GNAQ: variants seen among roughly 807,000 people sequenced by gnomAD.
GNAQ encodes guanine nucleotide-binding protein G(q) subunit alpha.
Under a neutral mutation model 43.9 loss-of-function variants are expected in GNAQ, and 8 were observed. That is an observed-to-expected ratio of 0.18 (90% CI 0.11 to 0.33). The LOEUF is 0.33. Among genes scored for constraint, GNAQ ranks in the 10% least tolerant of loss-of-function variants. GNAQ has a pLI of 1.00. For missense variants in GNAQ, 158 were observed against 450.8 expected (o/e 0.35, Z 5.88); for synonymous variants, 155 against 170.7 (o/e 0.91, Z 0.71).
intron 2 of GNAQ, among the ~76,000 whole-genome samples, chr9:77,856,274 G>C (rs1054208038): frequency 3.3e-5 from 5 of 152,096 alleles, no homozygotes; most frequent in African/African-American, 1.2e-4. Flanking sequence ...GACTTAGCTG[G>C]TTCCTATGAA....
Position 78,031,370 on chromosome 9 carries a change from G to C in GNAQ, c.-135C>G, listed in dbSNP as rs1208130070. 10 of 564,798 alleles carry C rather than the reference G, an allele frequency of 1.8e-5. No individual in the cohort carries two copies. The highest frequency in any genetic ancestry group is 1.7e-4 in the South Asian group (2 of 11,592). 35.0% of individuals were successfully genotyped at this position (564,798 alleles called of 1,614,324 possible). A position where few individuals can be genotyped will look rare whatever the true frequency, so the allele number is the denominator to read the frequency against. Reference sequence around the variant, plus strand: ...CCGCCCGGGCGCGCGTCCGGGACGAGCTCCGGGAACCGCCGCGGGGGCGGC... The same window carrying C: ...CCGCCCGGGCGCGCGTCCGGGACGACCTCCGGGAACCGCCGCGGGGGCGGC... On this transcript the variant is annotated 5_prime_UTR_variant, in exon 1 of 7. Coordinates refer to ENST00000286548, the MANE Select transcript of GNAQ (RefSeq NM_002072.5).
intron 5 of GNAQ, among the ~76,000 whole-genome samples, chr9:77,772,937 G>A (rs1055345065): frequency 2.6e-5 from 4 of 152,172 alleles, no homozygotes; most frequent in East Asian, 1.9e-4. Context: ...ACAGAAACAC[G>A]CCAAAAAAAA....
At chr9:77,762,192 C>G (rs578154627) in intron 5 of GNAQ, among the ~76,000 whole-genome samples, 306 of 137,700 alleles carry the variant, frequency 2.2e-3, no homozygotes, top group African/African-American at 6.9e-3. Flanking sequence ...CCGGCCACCC[C>G]TACTGGGAAG....
rs1007024079 is a variant in GNAQ at position 77,718,246 on chromosome 9, A to G, written c.*3077T>C. On this transcript the variant is annotated 3_prime_UTR_variant, in exon 7 of 7. Transcript: ENST00000286548. The stretch of plus-strand genomic sequence containing the variant: ...AATAGGAGGCCAGTGGCACACGCTT[A>G]TAACGCTTGCAATCACAATATAATA... 11 of 232,858 alleles carry G rather than the reference A, an allele frequency of 4.7e-5. No homozygotes were observed. Among genetic ancestry groups the G allele is most frequent in the African/African-American group, 2.4e-4 (11 of 45,476 alleles). 14.4% of individuals were successfully genotyped at this position (232,858 alleles called of 1,614,324 possible).
intron 1 of GNAQ, among the ~76,000 whole-genome samples, chr9:77,994,319 C>T (rs1401238894): frequency 2.0e-5 from 3 of 152,288 alleles, no homozygotes; most frequent in Middle Eastern, 3.4e-3. Context: ...GGATAACAAG[C>T]GTGAGCCACC....
At chr9:77,863,427 A>T (rs1390182703) in intron 2 of GNAQ, among the ~76,000 whole-genome samples, 3 of 152,118 alleles carry the variant, frequency 2.0e-5, no homozygotes, top group African/African-American at 7.2e-5. Context: ...CTCAGCGTGG[A>T]TTTCACTGTC....
chr9:77,845,138 G>C (rs190872600), intron 2 of GNAQ, among the ~76,000 whole-genome samples: 91 of 152,110 alleles, frequency 6.0e-4, no homozygotes, highest in African/African-American at 2.1e-3. Flanking sequence ...ATAACTCAAA[G>C]AACTGGAGAT....
intron 5 of GNAQ, among the ~76,000 whole-genome samples, chr9:77,744,029 T>C (rs552806350): frequency 6.6e-6 from 1 of 152,364 alleles, no homozygotes; most frequent in African/African-American, 2.4e-5. Flanking sequence ...ATAGTCTAAA[T>C]TACCCTTAAA....
At chr9:77,859,474 T>C (rs1426786282) in intron 2 of GNAQ, among the ~76,000 whole-genome samples, 1 of 152,210 alleles carries the variant, frequency 6.6e-6, no homozygotes, top group African/African-American at 2.4e-5. Context: ...ATATGAAGCT[T>C]AGTAAGCCAT....
chr9:77,895,013 C>T (rs1357579148), intron 2 of GNAQ, among the ~76,000 whole-genome samples: 3 of 150,966 alleles, frequency 2.0e-5, no homozygotes, highest in South Asian at 4.2e-4. Flanking sequence ...CATGGTGAAA[C>T]CCCTGTCTCT....
intron 5 of GNAQ, among the ~76,000 whole-genome samples, chr9:77,783,631 A>C (rs143111862): frequency 0.011 from 1,665 of 152,246 alleles, 29 homozygotes; most frequent in African/African-American, 0.031. Flanking sequence ...CCCACTGCTC[A>C]GTTATTACTA....
intron 5 of GNAQ, among the ~76,000 whole-genome samples, chr9:77,732,830 G>T (rs2118232823): frequency 6.6e-6 from 1 of 152,254 alleles, no homozygotes; most frequent in East Asian, 1.9e-4. Context: ...GGTGGCTTTG[G>T]TGCAGGTGAG....
rs576070013 is a variant in GNAQ, at chr9:77,745,919, GGAA to G, written c.736-17255_736-17253del. On this transcript the variant is annotated intron_variant, in intron 5 of 6. Transcript: ENST00000286548. ...AAAGGGCCCCAGAAGGGCTGGGGGT[GGAA>G]GAAGAAGAAAGAATACCTATACCAA... 4.8e-3 allele frequency among the ~76,000 whole-genome samples: 730 copies of G among 151,936 alleles called. 5 individuals are homozygous for G. The highest frequency in any genetic ancestry group is 7.6e-3 in the Non-Finnish European group (517 of 67,920).
At chr9:77,831,873 C>T (rs1172136415) in intron 2 of GNAQ, among the ~76,000 whole-genome samples, 1 of 152,070 alleles carries the variant, frequency 6.6e-6, no homozygotes, top group Non-Finnish European at 1.5e-5. Context: ...ATATACCTGC[C>T]TTCAGTTTTC....
At chr9:77,954,225 A>G (rs980117315) in intron 1 of GNAQ, among the ~76,000 whole-genome samples, 7 of 152,218 alleles carry the variant, frequency 4.6e-5, no homozygotes, top group Non-Finnish European at 1.0e-4. Flanking sequence ...CTAGATGACT[A>G]TGCGGTCTGG....
At chr9:77,753,125 G>T (rs1472759767) in intron 5 of GNAQ, among the ~76,000 whole-genome samples, 3 of 147,966 alleles carry the variant, frequency 2.0e-5, no homozygotes, top group Non-Finnish European at 3.0e-5. Context: ...AAAAAAAGAA[G>T]ATTTAGTTGG....
At chr9:77,783,159 T>C (rs1826422540) in intron 5 of GNAQ, among the ~76,000 whole-genome samples, 1 of 152,210 alleles carries the variant, frequency 6.6e-6, no homozygotes, top group Admixed American at 6.5e-5. Flanking sequence ...TGTATATATG[T>C]AGTTTCATGA....
At chr9:77,870,058 G>A (rs969899499) in intron 2 of GNAQ, among the ~76,000 whole-genome samples, 1 of 152,062 alleles carries the variant, frequency 6.6e-6, no homozygotes, top group Admixed American at 6.6e-5. Flanking sequence ...AGAATAATAG[G>A]AAAAATAATT....
rs577564275 is a variant in GNAQ at position 77,804,498 on chromosome 9, C to T, written c.477-6850G>A. 2.0e-5 allele frequency among the ~76,000 whole-genome samples: 3 copies of T among 152,274 alleles called. No individual in the cohort carries two copies. The East Asian group carries it at 5.8e-4, about 29-fold the overall frequency. On this transcript the variant is annotated intron_variant, in intron 3 of 6. Transcript: ENST00000286548. ...AACCACTGCACTCCAGCTTGGGCAA[C>T]ACAGTAAGACCCTGACTCTAAATAC...
Sources: allele counts gnomAD v4.1 joint callset (sites outside exome capture counted in the v4.1 genomes callset), GRCh38; gene constraint gnomAD v4.1.1; transcripts MANE v1.5; gene names NCBI Gene and HGNC (gene_info 2026-07-23, HGNC 2026-07-21).